Variants in SERINC2 observed in about 807,000 individuals in gnomAD.
SERINC2 encodes serine incorporator 2, also known as tumor differentially expressed protein 2.
A neutral mutation model predicts 54.2 loss-of-function variants in SERINC2; 56 were observed. The observed-to-expected ratio is 1.03, with a 90% confidence interval of 0.83 to 1.29. The LOEUF (loss-of-function observed/expected upper bound fraction) is 1.29. SERINC2 is among the 50% of genes most tolerant of loss of function. The pLI is 0.00. For synonymous variants in SERINC2, 272 were observed against 253.1 expected (o/e 1.07, Z -0.71); for missense variants, 614 against 607.4 (o/e 1.01, Z -0.12).
At position 31,434,530 on chromosome 1, in the gene SERINC2, G is replaced by A; in HGVS notation, c.*331G>A. 1 of 323,794 alleles carries A rather than the reference G, an allele frequency of 3.1e-6. No individual in the cohort carries two copies. Among genetic ancestry groups the A allele is most frequent in the South Asian group, 5.4e-5 (1 of 18,478 alleles). The allele number at this position is 323,794 out of a possible 1,614,324, so 20.1% of individuals were successfully genotyped here. A position where few individuals can be genotyped will look rare whatever the true frequency, so the allele number is the denominator to read the frequency against. ...CACGGGAGCGGGGCTGCTGGAGAGA[G>A]CGGGGAACTCCCACCACAGTGGGGC... is the stretch of plus-strand genomic sequence containing the variant. On this transcript the variant is annotated 3_prime_UTR_variant, in exon 10 of 10. Transcript: ENST00000373709.
At chr1:31,432,085 A>T (rs1641280108) in intron 8 of SERINC2, among the ~76,000 whole-genome samples, 8 of 117,256 alleles carry the variant, frequency 6.8e-5, no homozygotes, top group Non-Finnish European at 1.2e-4. Flanking sequence ...CAGGGTGGTT[A>T]GGGTGGACAG....
At chr1:31,416,167 A>T (rs566253633) in intron 1 of SERINC2, among the ~76,000 whole-genome samples, 5 of 152,276 alleles carry the variant, frequency 3.3e-5, no homozygotes, top group African/African-American at 1.2e-4. Flanking sequence ...TCTGCCCCTT[A>T]GCCTGTTGTG....
At chr1:31,431,866 GA>G (rs1641236715) in intron 8 of SERINC2, among the ~76,000 whole-genome samples, 1 of 149,670 alleles carries the variant, frequency 6.7e-6, no homozygotes, top group African/African-American at 2.5e-5. Context: ...GGATAGGGTG[GA>G]TAGGGTGGAC....
intron 1 of SERINC2, 140 bp from the exon 2 acceptor site, chr1:31,423,553 A>C: frequency 1.2e-6 from 1 of 869,386 alleles, no homozygotes. Context: ...CTCGGACCTG[A>C]AAGTTCAATG....
chr1:31,423,228 G>T (rs953306100), intron 1 of SERINC2, among the ~76,000 whole-genome samples: 46 of 152,326 alleles, frequency 3.0e-4, no homozygotes, highest in Non-Finnish European at 6.2e-4. Flanking sequence ...GGGAAAGGGA[G>T]CCCAAGGGGG....
chr1:31,425,013 A>G lies in SERINC2; in HGVS notation c.392+140A>G, dbSNP rs78337189. 5,694 of 685,652 alleles carry G rather than the reference A, an allele frequency of 8.3e-3. 341 individuals are homozygous for G. The East Asian group carries it at 0.13, about 16-fold the overall frequency. 42.5% of individuals were successfully genotyped at this position (685,652 alleles called of 1,614,324 possible). The stretch of plus-strand genomic sequence containing the variant: ...ACAGCATGGAGAACAGCTCTGAGTT[A>G]TATCCATTTCTCAGATGAAGAGTAA... On this transcript the variant is annotated intron_variant, in intron 3 of 9. Coordinates refer to ENST00000373709, the MANE Select transcript of SERINC2 (RefSeq NM_178865.5).
At chr1:31,431,858 A>ATAGGATGGT (rs1557500034) in intron 8 of SERINC2, among the ~76,000 whole-genome samples, 2 of 133,592 alleles carry the variant, frequency 1.5e-5, no homozygotes, top group Admixed American at 7.3e-5. Flanking sequence ...GATAGGGTGG[A>ATAGGATGGT]TAGGGTGGAT....
chr1:31,410,580 A>T (rs781999862), upstream of SERINC2: 39 of 1,142,978 alleles, frequency 3.4e-5, no homozygotes, highest in Non-Finnish European at 4.4e-5. Flanking sequence ...TTACACATAC[A>T]GTCATCTTAA....
intron 1 of SERINC2, 51 bp from the exon 2 acceptor site, chr1:31,423,642 C>A: frequency 1.3e-6 from 2 of 1,575,504 alleles, no homozygotes; most frequent in Non-Finnish European, 1.7e-6. Flanking sequence ...GTGAGAGGTG[C>A]GCGCTTGGGC....
At chr1:31,409,894 C>T (rs188243172), upstream of SERINC2, 10,642 of 1,506,566 alleles carry the variant, frequency 7.1e-3, 56 homozygotes, top group Non-Finnish European at 8.3e-3. Flanking sequence ...GGCACTGAGG[C>T]GGGGGCAGGA....
intron 1 of SERINC2, chr1:31,416,023 C>A: frequency 1.8e-6 from 1 of 547,118 alleles, no homozygotes; most frequent in Non-Finnish European, 2.3e-6. Context: ...GGGTCTTGCA[C>A]ATCCTAGGGA....
Position 31,434,241 on chromosome 1 carries a change from G to T in SERINC2, c.*42G>T, listed in dbSNP as rs782479895. The T allele has an allele frequency of 3.1e-6, 5 of 1,596,390 alleles. No homozygotes were observed. Among genetic ancestry groups the T allele is most frequent in the Admixed American group, 1.7e-5 (1 of 59,508 alleles). ...GCCATCTGGTGCCTCCTGCCACCTG[G>T]TGCCTCTCGGCTCAGTGACAGCCAA... On this transcript the variant is annotated 3_prime_UTR_variant, in exon 10 of 10. Transcript: ENST00000373709.
intron 8 of SERINC2, among the ~76,000 whole-genome samples, chr1:31,430,760 T>A (rs1641174251): frequency 6.6e-6 from 1 of 152,184 alleles, no homozygotes; most frequent in Non-Finnish European, 1.5e-5. Flanking sequence ...TAGGTTTAAT[T>A]ATTGTTTACA....
intron 1 of SERINC2, among the ~76,000 whole-genome samples, chr1:31,422,281 A>G (rs1640920328): frequency 7.0e-6 from 1 of 142,342 alleles, no homozygotes; most frequent in African/African-American, 2.6e-5. Flanking sequence ...CCTGGGTGAC[A>G]GGGCAAGACC....
At chr1:31,415,672 G>C (rs1364145911) in intron 1 of SERINC2, among the ~76,000 whole-genome samples, 1 of 152,212 alleles carries the variant, frequency 6.6e-6, no homozygotes, top group Admixed American at 6.5e-5. Context: ...CTTCTCCACA[G>C]CCACACAACA....
rs1553131929 is a variant in SERINC2, at chr1:31,414,421, TTG to T, written c.39+1150_39+1151del. ...CTCGCTTTCCTTTGTCCCTGACGGGTTGTGTGTGTGTGTGTGTGTGTGTGTGT... is the reference window on the plus strand; with the variant it reads ...CTCGCTTTCCTTTGTCCCTGACGGGTTGTGTGTGTGTGTGTGTGTGTGTGT... On this transcript the variant is annotated intron_variant, in intron 1 of 9. Transcript: ENST00000373709. 3.6e-4 allele frequency: 95 copies of T among 261,364 alleles called. 1 individual carries two copies. In the Middle Eastern group the frequency reaches 9.0e-3, roughly 25 times the overall value. 16.2% of individuals were successfully genotyped at this position (261,364 alleles called of 1,614,324 possible).
At chr1:31,427,134 G>A (rs1351676974) in intron 6 of SERINC2, among the ~76,000 whole-genome samples, 2 of 152,186 alleles carry the variant, frequency 1.3e-5, no homozygotes, top group African/African-American at 4.8e-5. Flanking sequence ...ATATCTCTCA[G>A]ACATTAGCTA....
Position 31,423,775 on chromosome 1 carries a change from T to C in SERINC2, c.122T>C (p.Ile41Thr). The C allele has an allele frequency of 6.2e-7, 1 of 1,614,002 alleles. No individual in the cohort carries two copies. Among genetic ancestry groups the C allele is most frequent in the Non-Finnish European group, 8.5e-7 (1 of 1,180,018 alleles). Residue 41 changes from isoleucine (I) to threonine (T), a missense_variant, in exon 2 of 10, where the codon ATC becomes ACC. Ile to Thr is a moderately conservative substitution (Grantham distance 89, BLOSUM62 -1). Coordinates refer to ENST00000373709, the MANE Select transcript of SERINC2 (RefSeq NM_178865.5). The stretch of plus-strand genomic sequence containing the variant: ...CGCAACTCCACCGTGAGCCGCCTCA[T>C]CTTCACGTTCTTCCTCTTCCTGGGG... ...ASRNSTVSRL[I>T]FTFFLFLGVL...
chr1:31,414,179 C>A, intron 1 of SERINC2: 1 of 1,399,278 alleles, frequency 7.1e-7, no homozygotes, highest in Non-Finnish European at 9.2e-7. Context: ...TGTGGGGAGG[C>A]CAACCTCTGT....
Sources: gnomAD v4.1 joint callset for allele counts (sites outside exome capture counted in the v4.1 genomes callset) on GRCh38, gnomAD v4.1.1 for gene constraint, MANE v1.5 for transcripts, NCBI Gene and HGNC (gene_info 2026-07-23, HGNC 2026-07-21) for gene names.